The following HS6ST3 variants were observed in gnomAD, a reference collection of about 807,000 sequenced individuals.
HS6ST3 encodes the protein heparan sulfate 6-O-sulfotransferase 3.
HS6ST3 carries 12 observed loss-of-function variants against 36.7 expected under a neutral mutation model. That is an observed-to-expected ratio of 0.33 (90% CI 0.21 to 0.53). The LOEUF is 0.53. Among genes scored for constraint, HS6ST3 ranks in the 20% least tolerant of loss-of-function variants. The pLI is 0.95. For synonymous variants in HS6ST3, 240 were observed against 257.5 expected (o/e 0.93, Z 0.65); for missense variants, 584 against 640.9 (o/e 0.91, Z 0.96).
chr13:96,178,858 C>CTGGATCTT (rs2054225172), intron 1 of HS6ST3, among the ~76,000 whole-genome samples: 1 of 152,140 alleles, frequency 6.6e-6, no homozygotes, highest in Non-Finnish European at 1.5e-5. Context: ...AAAATGAAAG[C>CTGGATCTT]TGGATCTTTC....
intron 1 of HS6ST3, among the ~76,000 whole-genome samples, chr13:96,304,000 A>G (rs1417703381): frequency 3.9e-5 from 6 of 152,048 alleles, no homozygotes; most frequent in African/African-American, 1.2e-4. Context: ...AAAATTAGCC[A>G]GGTGTGATGG....
intron 1 of HS6ST3, among the ~76,000 whole-genome samples, chr13:96,807,367 T>C (rs1365473282): frequency 6.6e-6 from 1 of 152,104 alleles, no homozygotes; most frequent in African/African-American, 2.4e-5. Flanking sequence ...AATACAATTG[T>C]TGTAGGTAAT....
intron 1 of HS6ST3, among the ~76,000 whole-genome samples, chr13:96,617,789 C>T (rs1594819491): frequency 6.6e-6 from 1 of 152,194 alleles, no homozygotes; most frequent in Non-Finnish European, 1.5e-5. Context: ...GAGTGAGAAA[C>T]TCTGGAGGTG....
chr13:96,507,664 T>A (rs1227531549), intron 1 of HS6ST3, among the ~76,000 whole-genome samples: 1 of 152,016 alleles, frequency 6.6e-6, no homozygotes, highest in Non-Finnish European at 1.5e-5. Context: ...ATTTTATTAA[T>A]AATAATAACA....
At chr13:96,655,731 C>T (rs1034481781) in intron 1 of HS6ST3, among the ~76,000 whole-genome samples, 7 of 152,052 alleles carry the variant, frequency 4.6e-5, no homozygotes, top group African/African-American at 7.2e-5. Context: ...CTTGTCCCTT[C>T]CATACTAACC....
At chr13:96,339,246 A>T (rs991979773) in intron 1 of HS6ST3, among the ~76,000 whole-genome samples, 1 of 152,210 alleles carries the variant, frequency 6.6e-6, no homozygotes, top group Non-Finnish European at 1.5e-5. Context: ...TAAGTTGGCA[A>T]ACTCATTGAT....
chr13:96,148,131 C>T (rs1224887770), intron 1 of HS6ST3, among the ~76,000 whole-genome samples: 1 of 152,082 alleles, frequency 6.6e-6, no homozygotes, highest in East Asian at 1.9e-4. Flanking sequence ...TGTTTTGGTT[C>T]TTTATTTAGA....
chr13:96,700,197 T>TCACA lies in HS6ST3; in HGVS notation c.708-132293_708-132292insCACA, dbSNP rs1875248094. Reference sequence around the variant, plus strand: ...TAATAGACTCACAGTTCCATGTAGCTGGGGAGGCCCCACAATCATGGCGGA... The same window carrying TCACA: ...TAATAGACTCACAGTTCCATGTAGCTCACAGGGGAGGCCCCACAATCATGGCGGA... On this transcript the variant is annotated intron_variant, in intron 1 of 1. Transcript: ENST00000376705. Among the ~76,000 whole-genome samples, 2 of 152,186 alleles carry TCACA rather than the reference T, an allele frequency of 1.3e-5. 1 individual carries two copies. The highest frequency in any genetic ancestry group is 4.1e-4 in the South Asian group (2 of 4,834).
chr13:96,106,894 A>C (rs1459118242), intron 1 of HS6ST3, among the ~76,000 whole-genome samples: 1 of 152,250 alleles, frequency 6.6e-6, no homozygotes, highest in Non-Finnish European at 1.5e-5. Context: ...GTTGTCTGGC[A>C]GTATTGAGTT....
At chr13:96,803,064 A>G (rs997413025) in intron 1 of HS6ST3, among the ~76,000 whole-genome samples, 18 of 152,248 alleles carry the variant, frequency 1.2e-4, no homozygotes, top group Middle Eastern at 3.4e-3. Context: ...CAACCAAAGG[A>G]CTTTCAAATG....
At chr13:96,238,781 G>A (rs1168882213) in intron 1 of HS6ST3, among the ~76,000 whole-genome samples, 1 of 152,204 alleles carries the variant, frequency 6.6e-6, no homozygotes, top group Non-Finnish European at 1.5e-5. Context: ...ATAGTCGATA[G>A]CGTGCTTTCA....
At chr13:96,517,759 C>T (rs772473539) in intron 1 of HS6ST3, among the ~76,000 whole-genome samples, 1 of 152,114 alleles carries the variant, frequency 6.6e-6, no homozygotes, top group Non-Finnish European at 1.5e-5. Context: ...TGCCACCCCC[C>T]ACTCTCAAGC....
intron 1 of HS6ST3, among the ~76,000 whole-genome samples, chr13:96,665,996 A>G (rs1383730028): frequency 6.6e-6 from 1 of 152,164 alleles, no homozygotes; most frequent in East Asian, 1.9e-4. Flanking sequence ...GTATTAGTCC[A>G]TTCTCATGGT....
intron 1 of HS6ST3, among the ~76,000 whole-genome samples, chr13:96,573,142 C>T (rs2056307100): frequency 6.6e-6 from 1 of 152,152 alleles, no homozygotes; most frequent in Admixed American, 6.5e-5. Context: ...CTCACCTCTC[C>T]GGACCTACTT....
intron 1 of HS6ST3, among the ~76,000 whole-genome samples, chr13:96,359,375 A>G (rs2055226112): frequency 6.6e-6 from 1 of 152,170 alleles, no homozygotes; most frequent in Admixed American, 6.5e-5. Flanking sequence ...TGCTTTTAAA[A>G]TTATTGAACT....
chr13:96,315,035 G>A (rs533569889), intron 1 of HS6ST3, among the ~76,000 whole-genome samples: 12 of 152,160 alleles, frequency 7.9e-5, no homozygotes, highest in African/African-American at 2.2e-4. Flanking sequence ...CAGATGAACA[G>A]ACCTTACCTA....
intron 1 of HS6ST3, among the ~76,000 whole-genome samples, chr13:96,152,706 A>G (rs139099163): frequency 2.2e-3 from 335 of 151,936 alleles, no homozygotes; most frequent in African/African-American, 7.8e-3. Context: ...AATCCATTCA[A>G]TTTCTAAGGT....
chr13:96,295,083 TAAC>T (rs1345772156), intron 1 of HS6ST3, among the ~76,000 whole-genome samples: 1 of 152,116 alleles, frequency 6.6e-6, no homozygotes, highest in African/African-American at 2.4e-5. Flanking sequence ...AGGGCCATGG[TAAC>T]AATTACAAGA....
At chr13:96,798,795 G>C (rs912008794) in intron 1 of HS6ST3, among the ~76,000 whole-genome samples, 5 of 152,028 alleles carry the variant, frequency 3.3e-5, no homozygotes, top group African/African-American at 1.2e-4. Flanking sequence ...GACTATATGA[G>C]CTAAACAACA....
Sources: gnomAD v4.1 joint callset for allele counts (sites outside exome capture counted in the v4.1 genomes callset) on GRCh38, gnomAD v4.1.1 for gene constraint, MANE v1.5 for transcripts, NCBI Gene and HGNC (gene_info 2026-07-23, HGNC 2026-07-21) for gene names.